PTPRD: variants seen among roughly 807,000 people sequenced by gnomAD.
PTPRD encodes protein tyrosine phosphatase receptor type D, also known as receptor-type tyrosine-protein phosphatase delta.
In PTPRD, 34 loss-of-function variants were observed where a neutral mutation model predicts 214.5. The ratio of observed to expected loss-of-function variants is 0.16; its 90% CI spans 0.12 to 0.21. The LOEUF is 0.21. PTPRD is among the 10% of genes least tolerant of loss of function. The pLI is 1.00. For synonymous variants in PTPRD, 1,128 were observed against 845.7 expected (o/e 1.33, Z -5.79); for missense variants, 2,545 against 2,398.7 (o/e 1.06, Z -1.27).
At chr9:10,025,119 G>C (rs973929718) in intron 4 of PTPRD, among the ~76,000 whole-genome samples, 1 of 152,124 alleles carries the variant, frequency 6.6e-6, no homozygotes, top group African/African-American at 2.4e-5. Flanking sequence ...ATAGCAGCAT[G>C]ATTTACAATC....
chr9:10,056,511 T>A (rs1436477415), intron 3 of PTPRD, among the ~76,000 whole-genome samples: 3 of 151,978 alleles, frequency 2.0e-5, no homozygotes, highest in Non-Finnish European at 2.9e-5. Flanking sequence ...AAAACAAACA[T>A]TTTACTCTGT....
At chr9:8,624,866 C>G (rs2154305319) in intron 14 of PTPRD, among the ~76,000 whole-genome samples, 1 of 151,926 alleles carries the variant, frequency 6.6e-6, no homozygotes, top group East Asian at 1.9e-4. Flanking sequence ...GACTCTCAAT[C>G]ACGCTCTTCA....
chr9:8,642,434 G>A (rs1326478129), intron 12 of PTPRD, among the ~76,000 whole-genome samples: 1 of 152,198 alleles, frequency 6.6e-6, no homozygotes, highest in East Asian at 1.9e-4. Flanking sequence ...GAATATTGCT[G>A]TTAAATGAGA....
intron 35 of PTPRD, among the ~76,000 whole-genome samples, chr9:8,411,154 T>C (rs1393707517): frequency 3.3e-5 from 5 of 152,076 alleles, no homozygotes; most frequent in African/African-American, 4.8e-5. Flanking sequence ...ATAAAGTGTT[T>C]TACTATTTTA....
intron 3 of PTPRD, among the ~76,000 whole-genome samples, chr9:10,299,645 A>G (rs2095800396): frequency 6.6e-6 from 1 of 152,154 alleles, no homozygotes; most frequent in African/African-American, 2.4e-5. Context: ...CCTGTAGACC[A>G]TCAACCCCAT....
intron 12 of PTPRD, among the ~76,000 whole-genome samples, chr9:8,696,436 C>G (rs1303291054): frequency 6.6e-6 from 1 of 152,194 alleles, no homozygotes; most frequent in Admixed American, 6.5e-5. Context: ...GTTAAAGTCC[C>G]TCCAGTCTTG....
chr9:10,399,960 C>T (rs1392197873), intron 2 of PTPRD, among the ~76,000 whole-genome samples: 1 of 151,724 alleles, frequency 6.6e-6, no homozygotes, highest in Non-Finnish European at 1.5e-5. Flanking sequence ...AATGGGAAAC[C>T]ATAAATCATT....
chr9:10,207,448 A>G (rs1276633485), intron 3 of PTPRD, among the ~76,000 whole-genome samples: 2 of 152,138 alleles, frequency 1.3e-5, no homozygotes. Flanking sequence ...CATAAAAATA[A>G]CTAGAAAGGG....
intron 8 of PTPRD, among the ~76,000 whole-genome samples, chr9:9,461,917 C>G (rs548136441): frequency 2.8e-4 from 43 of 152,120 alleles, no homozygotes; most frequent in Admixed American, 5.2e-4. Context: ...CTTCTTTAAC[C>G]ATTATATTTA....
At chr9:9,524,010 G>T (rs2097059207) in intron 8 of PTPRD, among the ~76,000 whole-genome samples, 1 of 152,114 alleles carries the variant, frequency 6.6e-6, no homozygotes, top group Non-Finnish European at 1.5e-5. Flanking sequence ...ATTCATGGAT[G>T]GACAAATTCG....
chr9:8,942,312 A>G (rs957638716), intron 11 of PTPRD, among the ~76,000 whole-genome samples: 1 of 152,194 alleles, frequency 6.6e-6, no homozygotes. Flanking sequence ...AAGCTGTTCT[A>G]AAATAAAAAA....
intron 11 of PTPRD, among the ~76,000 whole-genome samples, chr9:8,820,782 G>C (rs2097041152): frequency 6.6e-6 from 1 of 151,874 alleles, no homozygotes; most frequent in Non-Finnish European, 1.5e-5. Context: ...ACTCACACAA[G>C]ACTCAAAGAG....
chr9:9,831,429 A>C (rs979969015), intron 5 of PTPRD, among the ~76,000 whole-genome samples: 2 of 152,010 alleles, frequency 1.3e-5, no homozygotes, highest in African/African-American at 4.8e-5. Context: ...ATGAGTTTGG[A>C]AAGAGTTATA....
At chr9:10,042,176 A>G (rs1434922770) in intron 3 of PTPRD, among the ~76,000 whole-genome samples, 2 of 151,974 alleles carry the variant, frequency 1.3e-5, no homozygotes. Flanking sequence ...TATAAAAGAT[A>G]AGAGCAAATT....
Position 9,723,831 on chromosome 9 carries a change from A to G in PTPRD, c.-287+10702T>C, listed in dbSNP as rs575850599. 2.0e-5 allele frequency among the ~76,000 whole-genome samples: 3 copies of G among 152,226 alleles called. No homozygotes were observed. The South Asian group carries it at 6.2e-4, about 32-fold the overall frequency. On this transcript the variant is annotated intron_variant, in intron 7 of 45. Coordinates refer to ENST00000381196, the MANE Select transcript of PTPRD (RefSeq NM_002839.4). ...GGGCTGTTCATTACGAATGTATAGA[A>G]ATATCATTGGTTTGTAAAGTATTAA...
chr9:9,408,857 C>T (rs1287168570), intron 8 of PTPRD, among the ~76,000 whole-genome samples: 1 of 151,730 alleles, frequency 6.6e-6, no homozygotes, highest in East Asian at 1.9e-4. Context: ...TCCTGTCATT[C>T]TATTTTTTAA....
At chr9:9,718,584 C>A (rs1408215164) in intron 7 of PTPRD, among the ~76,000 whole-genome samples, 6 of 152,234 alleles carry the variant, frequency 3.9e-5, no homozygotes, top group African/African-American at 1.4e-4. Flanking sequence ...CCCCCTTCCC[C>A]TGCAGGCTCA....
intron 2 of PTPRD, among the ~76,000 whole-genome samples, chr9:10,482,845 G>C (rs2099109441): frequency 6.6e-6 from 1 of 152,080 alleles, no homozygotes; most frequent in Non-Finnish European, 1.5e-5. Flanking sequence ...CAATATTGTG[G>C]AAATGACCAC....
chr9:10,393,768 A>T (rs1446332020), intron 2 of PTPRD, among the ~76,000 whole-genome samples: 2 of 148,012 alleles, frequency 1.4e-5, no homozygotes, highest in Non-Finnish European at 3.0e-5. Context: ...ATCTTATCTA[A>T]TCAAGTGATC....
Sources: allele counts gnomAD v4.1 joint callset (sites outside exome capture counted in the v4.1 genomes callset), GRCh38; gene constraint gnomAD v4.1.1; transcripts MANE v1.5; gene names NCBI Gene and HGNC (gene_info 2026-07-23, HGNC 2026-07-21).